RDH8: variants seen among roughly 807,000 people sequenced by gnomAD.
RDH8 encodes retinol dehydrogenase 8.
Under a neutral mutation model 22.3 loss-of-function variants are expected in RDH8, and 14 were observed. The ratio of observed to expected loss-of-function variants is 0.63; its 90% CI spans 0.42 to 0.98. The LOEUF is 0.98. Ranked by LOEUF, RDH8 falls within the 50% of genes least tolerant of loss-of-function variation. The probability of loss-of-function intolerance (pLI) is 0.00; values close to 1 mark genes in which losing one functional copy is unlikely to be tolerated. For missense variants in RDH8, 389 were observed against 409.8 expected, an observed-to-expected ratio of 0.95 and a Z score of 0.44; for synonymous variants, 175 against 171.7, an observed-to-expected ratio of 1.02 and a Z score of -0.15.
intron 3 of RDH8, among the ~76,000 whole-genome samples, chr19:10,020,120 C>T (rs75491248): frequency 2.1e-4 from 32 of 151,734 alleles, no homozygotes; most frequent in Non-Finnish European, 2.8e-4. Flanking sequence ...CCGTCTCCCC[C>T]CCGCCAAAAA....
In RDH8 at chr19:10,021,993, C is replaced by A; in HGVS notation, c.*244C>A. On this transcript the variant is annotated 3_prime_UTR_variant, in exon 6 of 6. Coordinates refer to ENST00000591589, the MANE Select transcript of RDH8 (RefSeq NM_015725.4). ...GGCCTGGGAAGCCCAGAGCAGGAAGCCACAGCTGTCTCTGGGAAAGCAAGG... is the reference window on the plus strand; with the variant it reads ...GGCCTGGGAAGCCCAGAGCAGGAAGACACAGCTGTCTCTGGGAAAGCAAGG... 1.9e-6 allele frequency: 1 copy of A among 534,980 alleles called. No homozygotes were observed. The highest frequency in any genetic ancestry group is 2.4e-5 in the South Asian group (1 of 42,422). The allele number at this position is 534,980 out of a possible 1,614,324, so 33.1% of individuals were successfully genotyped here.
chr19:10,020,569 C>T lies in RDH8; in HGVS notation c.443-140C>T, dbSNP rs2087650757. The T allele has an allele frequency of 6.3e-6, 4 of 637,744 alleles. No individual in the cohort carries two copies. The East Asian group carries it at 1.1e-4, about 18-fold the overall frequency. The allele number at this position is 637,744 out of a possible 1,614,324, so 39.5% of individuals were successfully genotyped here. ...ACCCCATCACACAATGCCATACACCCATCATCTTGGCACCATGTATCTGCT... is the reference window on the plus strand; with the variant it reads ...ACCCCATCACACAATGCCATACACCTATCATCTTGGCACCATGTATCTGCT... On this transcript the variant is annotated intron_variant, in intron 3 of 5. Coordinates refer to ENST00000591589, the MANE Select transcript of RDH8 (RefSeq NM_015725.4).
chr19:10,020,932 G>A, intron 4 of RDH8, 130 bp downstream of exon 4: 1 of 729,128 alleles, frequency 1.4e-6, no homozygotes. Flanking sequence ...AGCGTTTTGA[G>A]AGGCTGAAAT....
intron 2 of RDH8, among the ~76,000 whole-genome samples, chr19:10,018,115 T>G (rs566671263): frequency 1.1e-4 from 16 of 152,226 alleles, no homozygotes; most frequent in African/African-American, 2.6e-4. Context: ...TTGGCTAATT[T>G]TGTATTTTTA....
intron 1 of RDH8, among the ~76,000 whole-genome samples, chr19:10,016,124 C>CGTAT: frequency 7.0e-6 from 1 of 142,436 alleles, no homozygotes; most frequent in East Asian, 2.1e-4. Flanking sequence ...GAAACTTTAT[C>CGTAT]TTATTTATTT....
chr19:10,021,743 A>C lies in RDH8; in HGVS notation c.930A>C (p.Pro310=), dbSNP rs780684815. The change falls in exon 6 of 6, where the codon CCA becomes CCC. Residue 310 remains proline, a synonymous_variant. Coordinates refer to ENST00000591589, the MANE Select transcript of RDH8 (RefSeq NM_015725.4). ...SCGCLPTRVR[P]R ...GCTGCCTCCCAACGCGGGTGCGGCC[A>C]AGATGAGCAGAACAGAGCTTCACGA... 7.4e-6 allele frequency: 12 copies of C among 1,613,320 alleles called. No individual in the cohort carries two copies. The Admixed American group carries it at 1.7e-4, about 22-fold the overall frequency.
At position 10,021,232 on chromosome 19, in the gene RDH8, C is replaced by T. The variant is rs779733757; in HGVS notation, c.537-23C>T. On this transcript the variant is annotated intron_variant, in intron 4 of 5. Transcript: ENST00000591589. Reference sequence around the variant, plus strand: ...GGGAGTGGTTGGGGCATCAGACTTACACTACCCATGCCTGGTCGCCAGCAT... The same window carrying T: ...GGGAGTGGTTGGGGCATCAGACTTATACTACCCATGCCTGGTCGCCAGCAT... The T allele has an allele frequency of 2.4e-5, 38 of 1,611,636 alleles. No individual in the cohort carries two copies. In the South Asian group the frequency reaches 2.9e-4, roughly 12 times the overall value.
At chr19:10,015,002 G>C (rs147427954) in intron 1 of RDH8, among the ~76,000 whole-genome samples, 2 of 152,138 alleles carry the variant, frequency 1.3e-5, no homozygotes, top group African/African-American at 4.8e-5. Flanking sequence ...CCCCATTCAC[G>C]TGCCTGCTAC....
chr19:10,021,114 C>T (rs1038261094), intron 4 of RDH8, 141 bp from the exon 5 acceptor site: 7 of 771,010 alleles, frequency 9.1e-6, no homozygotes, highest in Non-Finnish European at 1.4e-5. Flanking sequence ...TTGGAGGCTG[C>T]AGACAGCTAT....
Position 10,021,439 on chromosome 19 carries a change from G to A in RDH8, c.720+1G>A. On this transcript the variant is annotated splice_donor_variant, in intron 5 of 5. Coordinates refer to ENST00000591589, the MANE Select transcript of RDH8 (RefSeq NM_015725.4). LOFTEE classifies it high-confidence loss of function. ...ACAGAACCCACAGGACGTGGTTCAG[G>A]TGAGTGAAGGGCCCAGAGCCCCAAG... 6.2e-7 allele frequency: 1 copy of A among 1,614,144 alleles called. No homozygotes were observed.
In RDH8 at chr19:10,018,820, G is replaced by C. The variant is rs2087638514; in HGVS notation, c.352G>C (p.Ala118Pro). 2 of 1,613,992 alleles carry C rather than the reference G, an allele frequency of 1.2e-6. No homozygotes were observed. Among genetic ancestry groups the C allele is most frequent in the East Asian group, 4.5e-5 (2 of 44,858 alleles). Residue 118 changes from alanine to proline, a missense_variant, in exon 3 of 6, where the codon GCT becomes CCT. Transcript: ENST00000591589. ...TGTCTTTGACACCAACTTTTTCGGA[G>C]CTGTCCGTCTCGTCAAAGCTGTGCT... The part of the protein sequence containing the change: ...QNVFDTNFFG[A>P]VRLVKAVLPG...
chr19:10,018,974 A>T, intron 3 of RDH8, 64 bp downstream of exon 3: 3 of 1,376,720 alleles, frequency 2.2e-6, no homozygotes, highest in Non-Finnish European at 3.0e-6. Context: ...GACTGGGAGG[A>T]TGGCGAATGG....
intron 3 of RDH8, 67 bp downstream of exon 3, chr19:10,018,977 G>A (rs771780079): frequency 2.4e-5 from 32 of 1,343,416 alleles, no homozygotes; most frequent in Non-Finnish European, 2.9e-5. Context: ...TGGGAGGATG[G>A]CGAATGGGTT....
chr19:10,020,707 A>T lies in RDH8; in HGVS notation c.443-2A>T. The T allele has an allele frequency of 1.2e-6, 2 of 1,604,672 alleles. No homozygotes were observed. Among genetic ancestry groups the T allele is most frequent in the Non-Finnish European group, 1.7e-6 (2 of 1,173,448 alleles). On this transcript the variant is annotated splice_acceptor_variant, in intron 3 of 5. Coordinates refer to ENST00000591589, the MANE Select transcript of RDH8 (RefSeq NM_015725.4). LOFTEE classifies it high-confidence loss of function. ...GAGCTCTCCTCCCTCTGACCCTCACAGGTGTCATCTTCAACGATGTCTATG... is the reference window on the plus strand; with the variant it reads ...GAGCTCTCCTCCCTCTGACCCTCACTGGTGTCATCTTCAACGATGTCTATG...
intron 2 of RDH8, among the ~76,000 whole-genome samples, chr19:10,018,338 C>A (rs1168550149): frequency 6.6e-6 from 1 of 152,168 alleles, no homozygotes; most frequent in Non-Finnish European, 1.5e-5. Flanking sequence ...TAGAAATTCT[C>A]ATATATGGAG....
chr19:10,018,040 G>A (rs1240249884), intron 2 of RDH8, among the ~76,000 whole-genome samples: 4 of 152,002 alleles, frequency 2.6e-5, no homozygotes, highest in Non-Finnish European at 5.9e-5. Context: ...CCACCTCCTG[G>A]GTTCAAGTGA....
In RDH8 at chr19:10,015,956, C is replaced by CAA. The variant is rs1251036060; in HGVS notation, c.104-1092_104-1091dup. Among the ~76,000 whole-genome samples, 8 of 138,260 alleles carry CAA rather than the reference C, an allele frequency of 5.8e-5. No individual in the cohort carries two copies. The East Asian group carries it at 1.0e-3, about 18-fold the overall frequency. The allele number at this position is 138,260 out of a possible 152,430, so 90.7% of individuals were successfully genotyped here. The stretch of plus-strand genomic sequence containing the variant: ...AACAAACAAGAGTGAAACTTCGTCT[C>CAA]AAAAAAAAAATATATATATATATAT... On this transcript the variant is annotated intron_variant, in intron 1 of 5. Coordinates refer to ENST00000591589, the MANE Select transcript of RDH8 (RefSeq NM_015725.4).
At chr19:10,014,903 G>A (rs1016828532) in intron 1 of RDH8, among the ~76,000 whole-genome samples, 1 of 152,140 alleles carries the variant, frequency 6.6e-6, no homozygotes, top group African/African-American at 2.4e-5. Context: ...AGGTCTCCCA[G>A]CTGCAAAGTA....
intron 1 of RDH8, among the ~76,000 whole-genome samples, chr19:10,016,119 T>G (rs1211244501): frequency 2.8e-5 from 4 of 144,288 alleles, no homozygotes; most frequent in Non-Finnish European, 6.0e-5. Context: ...AGGCAGAAAC[T>G]TTATCTTATT....
Sources: allele counts gnomAD v4.1 joint callset (sites outside exome capture counted in the v4.1 genomes callset), GRCh38; gene constraint gnomAD v4.1.1; transcripts MANE v1.5; gene names NCBI Gene and HGNC (gene_info 2026-07-23, HGNC 2026-07-21).